Variants in TTC28 observed in about 807,000 individuals in gnomAD.
The protein encoded by TTC28 is tetratricopeptide repeat domain 28, also known as tetratricopeptide repeat protein 28.
A neutral mutation model predicts 198.0 loss-of-function variants in TTC28; 61 were observed. The ratio of observed to expected loss-of-function variants is 0.31; its 90% CI spans 0.25 to 0.38. The LOEUF (loss-of-function observed/expected upper bound fraction) is 0.38, where lower values mean the gene tolerates loss of function less well. Among genes scored for constraint, TTC28 ranks in the 10% least tolerant of loss-of-function variants. The probability of loss-of-function intolerance (pLI) is 1.00; values close to 1 mark genes in which losing one functional copy is unlikely to be tolerated. For synonymous variants in TTC28, 1,171 were observed against 1,297.8 expected (o/e 0.90, Z 2.10); for missense variants, 2,678 against 3,164.0 (o/e 0.85, Z 3.69).
chr22:28,531,932 C>T (rs1244441658), intron 2 of TTC28, among the ~76,000 whole-genome samples: 1 of 152,190 alleles, frequency 6.6e-6, no homozygotes, highest in Non-Finnish European at 1.5e-5. Context: ...AAATTTATAG[C>T]ACTAAATGCC....
At chr22:28,035,224 A>C (rs559030568) in intron 12 of TTC28, among the ~76,000 whole-genome samples, 2 of 152,080 alleles carry the variant, frequency 1.3e-5, no homozygotes, top group African/African-American at 4.8e-5. Context: ...ATAACCAGTT[A>C]TTTGCCAAAG....
intron 2 of TTC28, among the ~76,000 whole-genome samples, chr22:28,335,617 A>G (rs531475309): frequency 0.014 from 2,196 of 152,156 alleles, 21 homozygotes; most frequent in Non-Finnish European, 0.022. Context: ...ATGGGAGTTC[A>G]CTCATGATTT....
chr22:28,456,987 T>C (rs2047872080), intron 2 of TTC28, among the ~76,000 whole-genome samples: 1 of 152,200 alleles, frequency 6.6e-6, no homozygotes, highest in Non-Finnish European at 1.5e-5. Context: ...ACAGTCTTAG[T>C]TGAATGGTTT....
intron 12 of TTC28, among the ~76,000 whole-genome samples, chr22:28,051,933 C>T (rs1164635987): frequency 1.3e-5 from 2 of 152,034 alleles, no homozygotes; most frequent in African/African-American, 2.4e-5. Flanking sequence ...CAGCAGGGGT[C>T]GCCCAAGTCA....
At chr22:28,240,659 C>G (rs1324954452) in intron 5 of TTC28, among the ~76,000 whole-genome samples, 1 of 152,056 alleles carries the variant, frequency 6.6e-6, no homozygotes, top group Non-Finnish European at 1.5e-5. Flanking sequence ...ATTTCTAAAC[C>G]ATTCTCCCTT....
chr22:28,152,111 C>A (rs901785695), intron 6 of TTC28, among the ~76,000 whole-genome samples: 4 of 152,192 alleles, frequency 2.6e-5, no homozygotes, highest in African/African-American at 9.7e-5. Flanking sequence ...TTATGCCAAC[C>A]ACATAGCTTT....
At chr22:28,656,061 A>C (rs2051644845) in intron 1 of TTC28, among the ~76,000 whole-genome samples, 1 of 152,220 alleles carries the variant, frequency 6.6e-6, no homozygotes, top group South Asian at 2.1e-4. Flanking sequence ...AAAAGCTGAA[A>C]GGACGCAAAG....
intron 5 of TTC28, among the ~76,000 whole-genome samples, chr22:28,196,180 T>A (rs200412218): frequency 0.076 from 11,458 of 150,178 alleles, 545 homozygotes; most frequent in South Asian, 0.087. Context: ...AAAACAAGAA[T>A]TGGGGAAAGG....
Position 27,992,609 on chromosome 22 carries a change from G to A in TTC28, c.5531C>T (p.Thr1844Met), listed in dbSNP as rs747516056. 44 of 1,551,512 alleles carry A rather than the reference G, an allele frequency of 2.8e-5. No homozygotes were observed. The highest frequency in any genetic ancestry group is 1.4e-4 in the South Asian group (12 of 84,058). Residue 1844 changes from threonine (T) to methionine (M), a missense_variant, in exon 19 of 23, where the codon ACG becomes ATG. Around this residue, in one of 8 missense-constraint regions of TTC28, gnomAD observed 314 missense variants for 442.7 expected, o/e 0.71. Transcript: ENST00000397906. ...TACCCGGCTGATGAGCTGCTCGCCC[G>A]TCTCGGAGGCAGTGATGAGTTTGCA... Reference protein sequence around the residue: ...ALCKLITASETGEQLISRAVK... With the variant: ...ALCKLITASEMGEQLISRAVK...
At chr22:28,623,111 CCATGCCCGGCCCAAAATAGATA>C (rs1662909711) in intron 2 of TTC28, among the ~76,000 whole-genome samples, 2 of 152,108 alleles carry the variant, frequency 1.3e-5, no homozygotes, top group Non-Finnish European at 2.9e-5. Flanking sequence ...GTGTGAGCCA[CCATGCCCGGCCCAAAATAGATA>C]TTTTTTAAGA....
chr22:28,547,839 G>A (rs1207175463), intron 2 of TTC28, among the ~76,000 whole-genome samples: 1 of 149,114 alleles, frequency 6.7e-6, no homozygotes, highest in Non-Finnish European at 1.5e-5. Context: ...AGTAAACAAT[G>A]CAAAACCAGA....
At chr22:28,388,095 A>C (rs987135310) in intron 2 of TTC28, among the ~76,000 whole-genome samples, 1 of 152,202 alleles carries the variant, frequency 6.6e-6, no homozygotes, top group Non-Finnish European at 1.5e-5. Context: ...CGGTTATTAA[A>C]TAGGGAATCC....
At chr22:28,444,906 A>G (rs2047680314) in intron 2 of TTC28, among the ~76,000 whole-genome samples, 4 of 152,182 alleles carry the variant, frequency 2.6e-5, no homozygotes, top group Admixed American at 2.6e-4. Context: ...GGCAGTCACA[A>G]GTAACTCCAA....
chr22:28,453,207 G>A (rs1264441706), intron 2 of TTC28, among the ~76,000 whole-genome samples: 1 of 152,174 alleles, frequency 6.6e-6, no homozygotes, highest in Non-Finnish European at 1.5e-5. Context: ...AACAAAAACA[G>A]TCACAGTTGC....
intron 12 of TTC28, among the ~76,000 whole-genome samples, chr22:28,092,308 A>G (rs1370245017): frequency 3.9e-5 from 6 of 152,192 alleles, no homozygotes; most frequent in Non-Finnish European, 8.8e-5. Flanking sequence ...GTTCTGGGAC[A>G]GTAGGGGCTA....
At position 28,454,248 on chromosome 22, in the gene TTC28, T is replaced by C. The variant is rs139629724; in HGVS notation, c.382-147605A>G. On this transcript the variant is annotated intron_variant, in intron 2 of 22. Transcript: ENST00000397906. ...TTATTTCTCATTTAACCTCTGTGCATCCAATAGCTTATAAGCTCTAAGTAG... is the reference window on the plus strand; with the variant it reads ...TTATTTCTCATTTAACCTCTGTGCACCCAATAGCTTATAAGCTCTAAGTAG... Among the ~76,000 whole-genome samples the C allele has an allele frequency of 3.4e-4, 52 of 152,370 alleles. No homozygotes were observed. In the East Asian group the frequency reaches 8.3e-3, roughly 24 times the overall value.
At position 27,979,705 on chromosome 22, in the gene TTC28, T is replaced by G. The variant is rs1412096879; in HGVS notation, c.*2516A>C. ...TTATACAATTTCCTTTAATTCTAAGTGCATACTTTTTCCAGTGTAGCCTGA... is the reference window on the plus strand; with the variant it reads ...TTATACAATTTCCTTTAATTCTAAGGGCATACTTTTTCCAGTGTAGCCTGA... On this transcript the variant is annotated 3_prime_UTR_variant, in exon 23 of 23. Transcript: ENST00000397906. The G allele has an allele frequency of 6.6e-6, 1 of 152,236 alleles. No individual in the cohort carries two copies. The highest frequency in any genetic ancestry group is 2.4e-5 in the African/African-American group (1 of 41,450). 9.4% of individuals were successfully genotyped at this position (152,236 alleles called of 1,614,324 possible). A position where few individuals can be genotyped will look rare whatever the true frequency, so the allele number is the denominator to read the frequency against.
At chr22:28,116,860 G>A (rs193256797) in intron 6 of TTC28, among the ~76,000 whole-genome samples, 12 of 152,142 alleles carry the variant, frequency 7.9e-5, no homozygotes, top group Non-Finnish European at 1.0e-4. Context: ...GCCCAATCCA[G>A]TCTTCCTATG....
At chr22:28,376,994 A>G (rs1269317752) in intron 2 of TTC28, among the ~76,000 whole-genome samples, 2 of 152,182 alleles carry the variant, frequency 1.3e-5, no homozygotes, top group African/African-American at 2.4e-5. Flanking sequence ...CATAGGACAC[A>G]ATAAATTCTA....
Sources: gnomAD v4.1 joint callset for allele counts (sites outside exome capture counted in the v4.1 genomes callset) on GRCh38, gnomAD v4.1.1 for gene constraint, gnomAD v4.1.1 regional missense constraint, MANE v1.5 for transcripts, NCBI Gene and HGNC (gene_info 2026-07-23, HGNC 2026-07-21) for gene names.